Variants in LPIN1 observed in about 807,000 individuals in gnomAD.
LPIN1 encodes lipin 1, also known as phosphatidate phosphatase LPIN1.
A neutral mutation model predicts 107.5 loss-of-function variants in LPIN1; 71 were observed. That is an observed-to-expected ratio of 0.66 (90% CI 0.55 to 0.80). The LOEUF (loss-of-function observed/expected upper bound fraction) is 0.80, where lower values mean the gene tolerates loss of function less well. Ranked by LOEUF, LPIN1 falls within the 30% of genes least tolerant of loss-of-function variation. The pLI is 0.00. For synonymous variants in LPIN1, 445 were observed against 452.6 expected (o/e 0.98, Z 0.21); for missense variants, 1,043 against 1,160.6 (o/e 0.90, Z 1.47).
intron 1 of LPIN1, among the ~76,000 whole-genome samples, chr2:11,735,143 T>C (rs1229759332): frequency 6.6e-6 from 1 of 151,982 alleles, no homozygotes; most frequent in Admixed American, 6.6e-5. Flanking sequence ...AATACAAAAA[T>C]TAGCCGGGCA....
At chr2:11,815,799 C>G (rs1475114753) in intron 18 of LPIN1, among the ~76,000 whole-genome samples, 4 of 152,104 alleles carry the variant, frequency 2.6e-5, no homozygotes, top group Non-Finnish European at 5.9e-5. Flanking sequence ...TAACAGACCA[C>G]TGGCCAGTTT....
At chr2:11,678,210 C>G (rs1333101471) in intron 1 of LPIN1, among the ~76,000 whole-genome samples, 1 of 152,198 alleles carries the variant, frequency 6.6e-6, no homozygotes, top group Non-Finnish European at 1.5e-5. Flanking sequence ...CTGTGGACCC[C>G]AAAGCCAGCG....
At chr2:11,806,122 G>C (rs1391148914) in intron 17 of LPIN1, among the ~76,000 whole-genome samples, 1 of 152,236 alleles carries the variant, frequency 6.6e-6, no homozygotes, top group Non-Finnish European at 1.5e-5. Context: ...CACTTAGTGA[G>C]TGTCAAGATA....
At chr2:11,708,240 T>A (rs887819234) in intron 1 of LPIN1, among the ~76,000 whole-genome samples, 1 of 152,142 alleles carries the variant, frequency 6.6e-6, no homozygotes, top group Non-Finnish European at 1.5e-5. Context: ...CAATTTCACT[T>A]TTTGCCTACT....
intron 1 of LPIN1, among the ~76,000 whole-genome samples, chr2:11,755,214 G>A (rs374260707): frequency 8.2e-4 from 125 of 152,132 alleles, no homozygotes; most frequent in African/African-American, 2.8e-3. Context: ...TGATCCGCCC[G>A]CCTCAGCCTC....
At chr2:11,809,374 A>C (rs1383255244) in intron 17 of LPIN1, among the ~76,000 whole-genome samples, 5 of 152,114 alleles carry the variant, frequency 3.3e-5, no homozygotes, top group African/African-American at 1.2e-4. Context: ...CGGTGTCCCA[A>C]GCCAGTGGAC....
At chr2:11,805,206 A>T in intron 17 of LPIN1, 50 bp downstream of exon 17, 1 of 1,340,762 alleles carries the variant, frequency 7.5e-7, no homozygotes. Context: ...TGGTGTGTGC[A>T]CCGCACTCTG....
At chr2:11,821,442 G>A (rs780918157) in intron 20 of LPIN1, among the ~76,000 whole-genome samples, 2 of 152,138 alleles carry the variant, frequency 1.3e-5, no homozygotes, top group African/African-American at 4.8e-5. Flanking sequence ...ACTTGAACTC[G>A]GGAGGCAGAG....
chr2:11,822,804 A>T (rs1319083766), intron 20 of LPIN1, among the ~76,000 whole-genome samples: 1 of 152,178 alleles, frequency 6.6e-6, no homozygotes, highest in African/African-American at 2.4e-5. Context: ...GCACGCATGG[A>T]AAGAGGGACT....
chr2:11,694,980 G>T (rs1662498493), intron 1 of LPIN1, among the ~76,000 whole-genome samples: 1 of 152,066 alleles, frequency 6.6e-6, no homozygotes, highest in Non-Finnish European at 1.5e-5. Context: ...CTGTCACATG[G>T]CTTCTTTGGT....
intron 1 of LPIN1, among the ~76,000 whole-genome samples, chr2:11,698,400 C>G (rs1316842218): frequency 6.6e-6 from 1 of 152,210 alleles, no homozygotes; most frequent in Non-Finnish European, 1.5e-5. Context: ...CTGCCACGTC[C>G]TACGCCTCTT....
chr2:11,791,779 A>G (rs1465984488), intron 12 of LPIN1, 135 bp from the exon 13 acceptor site: 1 of 1,499,774 alleles, frequency 6.7e-7, no homozygotes. Context: ...TTTTTAACGC[A>G]CAAATAGTAT....
intron 13 of LPIN1, among the ~76,000 whole-genome samples, chr2:11,792,536 C>T (rs960865427): frequency 6.6e-6 from 1 of 152,020 alleles, no homozygotes; most frequent in African/African-American, 2.4e-5. Context: ...CCATGCACCA[C>T]CACGCACAGC....
rs1330114314 is a variant in LPIN1 at position 11,826,343 on chromosome 2, G to C, written c.*1552G>C. ...CAAATGGTTCATGTGGACACACAAA[G>C]GCAAACAGATCTGCCATCGATCGCA... On this transcript the variant is annotated 3_prime_UTR_variant, in exon 21 of 21. Transcript: ENST00000674199. 1 of 152,492 alleles carries C rather than the reference G, an allele frequency of 6.6e-6. No individual in the cohort carries two copies. The highest frequency in any genetic ancestry group is 1.5e-5 in the Non-Finnish European group (1 of 68,020). 9.4% of individuals were successfully genotyped at this position (152,492 alleles called of 1,614,324 possible).
chr2:11,820,718 G>A (rs1186121862), intron 20 of LPIN1, among the ~76,000 whole-genome samples: 1 of 152,066 alleles, frequency 6.6e-6, no homozygotes, highest in East Asian at 1.9e-4. Context: ...ATCCCTTCTG[G>A]GTCTAAAATT....
At chr2:11,752,702 AT>A (rs1333317095) in intron 1 of LPIN1, among the ~76,000 whole-genome samples, 1 of 151,934 alleles carries the variant, frequency 6.6e-6, no homozygotes, top group Non-Finnish European at 1.5e-5. Context: ...AAGTGCTGGG[AT>A]TACAGGCGTG....
intron 2 of LPIN1, among the ~76,000 whole-genome samples, chr2:11,718,815 CT>C (rs1214797158): frequency 6.6e-6 from 1 of 152,194 alleles, no homozygotes; most frequent in Non-Finnish European, 1.5e-5. Context: ...CTGCTCAGAA[CT>C]TAGTCTCTTG....
chr2:11,740,684 G>GAAA (rs56188204), intron 1 of LPIN1, among the ~76,000 whole-genome samples: 2 of 81,570 alleles, frequency 2.5e-5, no homozygotes, highest in Non-Finnish European at 2.4e-5. Context: ...GCTCTATCTC[G>GAAA]AAAAAAAAAA....
intron 12 of LPIN1, among the ~76,000 whole-genome samples, chr2:11,789,792 A>G (rs188768747): frequency 6.6e-6 from 1 of 152,370 alleles, no homozygotes; most frequent in African/African-American, 2.4e-5. Flanking sequence ...ATAGCAATAT[A>G]GCTAAAGGAT....
Sources: allele counts gnomAD v4.1 joint callset (sites outside exome capture counted in the v4.1 genomes callset), GRCh38; gene constraint gnomAD v4.1.1; transcripts MANE v1.5; gene names NCBI Gene and HGNC (gene_info 2026-07-23, HGNC 2026-07-21).